Variants in RANBP17 observed in about 807,000 individuals in gnomAD.
The protein encoded by RANBP17 is ran-binding protein 17.
Under a neutral mutation model 141.2 loss-of-function variants are expected in RANBP17, and 158 were observed. The observed-to-expected ratio is 1.12, with a 90% confidence interval of 0.98 to 1.28. RANBP17 has a LOEUF of 1.28. Ranked by LOEUF, RANBP17 falls within the 50% of genes most tolerant of loss-of-function variation. The pLI is 0.00. For missense variants in RANBP17, 1,438 were observed against 1,290.7 expected (o/e 1.11, Z -1.75); for synonymous variants, 430 against 450.0 (o/e 0.96, Z 0.56).
At chr5:171,108,414 A>ATTTAT (rs1754996061) in intron 14 of RANBP17, among the ~76,000 whole-genome samples, 1 of 152,034 alleles carries the variant, frequency 6.6e-6, no homozygotes, top group African/African-American at 2.4e-5. Flanking sequence ...CATGTATTTT[A>ATTTAT]TTTATTTATT....
At chr5:171,121,982 G>C (rs1044477368) in intron 14 of RANBP17, among the ~76,000 whole-genome samples, 3 of 152,162 alleles carry the variant, frequency 2.0e-5, no homozygotes, top group Non-Finnish European at 4.4e-5. Context: ...ACTTTAAACT[G>C]GGCTCAGGGA....
chr5:170,960,532 A>G (rs1358629365), intron 13 of RANBP17, among the ~76,000 whole-genome samples: 3 of 152,100 alleles, frequency 2.0e-5, no homozygotes, highest in Admixed American at 1.3e-4. Context: ...TTTTCTCTCT[A>G]GCATTCATAT....
rs568975805 is a variant in RANBP17, at chr5:170,908,518, G to GGA, written c.490-1138_490-1137dup. On this transcript the variant is annotated intron_variant, in intron 5 of 27. Coordinates refer to ENST00000523189, the MANE Select transcript of RANBP17 (RefSeq NM_022897.5). ...TAGAAACTGGGGACTACTAGATAGG[G>GGA]GAGAGATAGAAAGGGGTAAAGGTTG... Among the ~76,000 whole-genome samples, 13 of 151,102 alleles carry GGA rather than the reference G, an allele frequency of 8.6e-5. No homozygotes were observed. The East Asian group carries it at 1.6e-3, about 18-fold the overall frequency.
rs375362462 is a variant in RANBP17, at chr5:170,902,868, G to T, written c.489+6753G>T. On this transcript the variant is annotated intron_variant, in intron 5 of 27. Coordinates refer to ENST00000523189, the MANE Select transcript of RANBP17 (RefSeq NM_022897.5). The stretch of plus-strand genomic sequence containing the variant: ...CCAGCGGAGGCTGCAGAACAGCAAA[G>T]ATTGCTGCCTGTTTCCTCTTCTGGA... Among the ~76,000 whole-genome samples the T allele has an allele frequency of 4.1e-4, 63 of 152,292 alleles. 1 individual carries two copies. In the South Asian group the frequency reaches 0.013, roughly 31 times the overall value.
At chr5:171,288,154 T>C (rs937468267) in intron 25 of RANBP17, among the ~76,000 whole-genome samples, 2 of 152,172 alleles carry the variant, frequency 1.3e-5, no homozygotes, top group Non-Finnish European at 2.9e-5. Flanking sequence ...AGGCTGCCAT[T>C]GTTCATCATG....
intron 14 of RANBP17, among the ~76,000 whole-genome samples, chr5:171,164,858 G>A (rs1195944755): frequency 6.6e-6 from 1 of 152,208 alleles, no homozygotes; most frequent in Non-Finnish European, 1.5e-5. Context: ...TGCAATTTCT[G>A]AGTGTTACTA....
At chr5:171,261,999 A>C (rs974141811) in intron 24 of RANBP17, among the ~76,000 whole-genome samples, 11 of 152,182 alleles carry the variant, frequency 7.2e-5, no homozygotes, top group Admixed American at 6.5e-5. Context: ...CCATAATGGA[A>C]GCTCTTCTTG....
intron 14 of RANBP17, among the ~76,000 whole-genome samples, chr5:170,981,559 C>G (rs1188653031): frequency 6.6e-6 from 1 of 150,766 alleles, no homozygotes; most frequent in African/African-American, 2.4e-5. Flanking sequence ...TGCACAGGCT[C>G]TCATTTTTTT....
intron 14 of RANBP17, among the ~76,000 whole-genome samples, chr5:171,137,307 C>A (rs556931836): frequency 6.6e-6 from 1 of 152,226 alleles, no homozygotes; most frequent in South Asian, 2.1e-4. Context: ...GTCACCAGTG[C>A]TCATTAGCAG....
chr5:170,972,398 G>A (rs1357117458), intron 14 of RANBP17, among the ~76,000 whole-genome samples: 1 of 151,964 alleles, frequency 6.6e-6, no homozygotes, highest in Non-Finnish European at 1.5e-5. Context: ...TGGCCAGGCT[G>A]GTTTCGAACT....
At chr5:171,029,866 A>T (rs148608012) in intron 14 of RANBP17, among the ~76,000 whole-genome samples, 2 of 152,220 alleles carry the variant, frequency 1.3e-5, no homozygotes, top group East Asian at 3.9e-4. Flanking sequence ...GGACATTTTA[A>T]GTAAATTAGT....
At chr5:171,080,755 A>C (rs577274810) in intron 14 of RANBP17, among the ~76,000 whole-genome samples, 1 of 152,176 alleles carries the variant, frequency 6.6e-6, no homozygotes, top group Non-Finnish European at 1.5e-5. Context: ...TTCCATGCAC[A>C]CAATGAATCG....
chr5:171,118,838 T>C (rs1260981699), intron 14 of RANBP17, among the ~76,000 whole-genome samples: 1 of 152,178 alleles, frequency 6.6e-6, no homozygotes, highest in Non-Finnish European at 1.5e-5. Context: ...GTCTTTAGGT[T>C]TATCTGTATA....
intron 14 of RANBP17, among the ~76,000 whole-genome samples, chr5:170,975,401 T>C (rs13187154): frequency 0.67 from 101,853 of 151,922 alleles, 34,420 homozygotes; most frequent in South Asian, 0.89. Flanking sequence ...TGGTGGCACG[T>C]GCCTGTAATC....
chr5:171,136,068 T>C (rs1224256789), intron 14 of RANBP17, among the ~76,000 whole-genome samples: 1 of 152,246 alleles, frequency 6.6e-6, no homozygotes, highest in East Asian at 1.9e-4. Flanking sequence ...TTTCTTTTCA[T>C]GCATTTATGT....
At position 170,968,297 on chromosome 5, in the gene RANBP17, A is replaced by G. The variant is rs754641665; in HGVS notation, c.1630A>G (p.Lys544Glu). The G allele has an allele frequency of 3.7e-6, 6 of 1,608,872 alleles. No individual in the cohort carries two copies. The highest frequency in any genetic ancestry group is 1.3e-5 in the African/African-American group (1 of 74,670). ...CGGATTGCCTCGATGTTGTAATGAG[A>G]AAATAGAGCTTGCAATTCTGTGGTT... ...DTGLPRCCNE[K>E]IELAILWFLD... Residue 544 changes from lysine to glutamate, a missense_variant, in exon 14 of 28, where the codon AAA (lysine) becomes GAA (glutamate). Physicochemically the swap from Lys to Glu is moderately conservative, Grantham distance 56 (BLOSUM62 1). Transcript: ENST00000523189.
At chr5:171,097,136 G>A (rs1233387521) in intron 14 of RANBP17, among the ~76,000 whole-genome samples, 1 of 152,088 alleles carries the variant, frequency 6.6e-6, no homozygotes, top group Non-Finnish European at 1.5e-5. Context: ...AGTAAGTAGT[G>A]GAGGGAAGAA....
rs551225779 is a variant in RANBP17, at chr5:171,039,441, T to G, written c.1710+71064T>G. 3.3e-5 allele frequency among the ~76,000 whole-genome samples: 5 copies of G among 152,164 alleles called. No individual in the cohort carries two copies. The South Asian group carries it at 1.0e-3, about 32-fold the overall frequency. On this transcript the variant is annotated intron_variant, in intron 14 of 27. Coordinates refer to ENST00000523189, the MANE Select transcript of RANBP17 (RefSeq NM_022897.5). ...TTTAATGAGATGTATTTGTTTTTGT[T>G]TTTTTGCTTATTGAATTAAGTTCCT...
intron 5 of RANBP17, among the ~76,000 whole-genome samples, chr5:170,908,752 T>C (rs1027666788): frequency 6.6e-6 from 1 of 151,922 alleles, no homozygotes; most frequent in Non-Finnish European, 1.5e-5. Context: ...TGGCCTTCTG[T>C]TATGTTTCAT....
Sources: allele counts gnomAD v4.1 joint callset (sites outside exome capture counted in the v4.1 genomes callset), GRCh38; gene constraint gnomAD v4.1.1; transcripts MANE v1.5; gene names NCBI Gene and HGNC (gene_info 2026-07-23, HGNC 2026-07-21).